Variants in TBC1D30 observed in about 807,000 individuals in gnomAD.
The protein encoded by TBC1D30 is TBC1 domain family, member 30.
Under a neutral mutation model 63.2 loss-of-function variants are expected in TBC1D30, and 31 were observed. That is an observed-to-expected ratio of 0.49 (90% CI 0.37 to 0.66). The LOEUF (loss-of-function observed/expected upper bound fraction) is 0.66. Among genes scored for constraint, TBC1D30 ranks in the 30% least tolerant of loss-of-function variants. The pLI, the probability that TBC1D30 is intolerant of heterozygous loss-of-function variation, is 0.00. For missense variants in TBC1D30, 810 were observed against 953.6 expected, an observed-to-expected ratio of 0.85 and a Z score of 1.98; for synonymous variants, 307 against 361.5, an observed-to-expected ratio of 0.85 and a Z score of 1.71.
intron 8 of TBC1D30, among the ~76,000 whole-genome samples, chr12:64,852,475 GCCTACTT>G (rs910952597): frequency 1.3e-5 from 2 of 152,098 alleles, no homozygotes; most frequent in African/African-American, 4.8e-5. Flanking sequence ...ACCTTCTGAA[GCCTACTT>G]CTGTCAATTC....
At chr12:64,825,130 T>A in intron 1 of TBC1D30, 97 bp downstream of exon 1, 1 of 1,424,834 alleles carries the variant, frequency 7.0e-7, no homozygotes, top group Non-Finnish European at 9.2e-7. Flanking sequence ...CGGGGAGCTC[T>A]GGGGAAAGTC....
chr12:64,864,877 T>C, intron 9 of TBC1D30, 97 bp downstream of exon 9: 1 of 838,412 alleles, frequency 1.2e-6, no homozygotes, highest in Non-Finnish European at 1.8e-6. Context: ...AGAGATATGT[T>C]AAAGTAAGTT....
At chr12:64,785,915 A>C in exon 2 of TBC1D30, 1 of 1,289,870 alleles carries the variant, frequency 7.8e-7, no homozygotes, top group South Asian at 1.2e-5. Context: ...TTCGAGAGCT[A>C]AAGTACAGAA....
intron 5 of TBC1D30, among the ~76,000 whole-genome samples, chr12:64,835,899 A>G (rs777601965): frequency 4.9e-4 from 74 of 152,228 alleles, no homozygotes; most frequent in Non-Finnish European, 8.7e-4. Context: ...AGCAATTTGA[A>G]GAACCTCTAT....
intron 2 of TBC1D30, among the ~76,000 whole-genome samples, chr12:64,798,130 A>C (rs1398123020): frequency 6.6e-6 from 1 of 152,220 alleles, no homozygotes; most frequent in East Asian, 1.9e-4. Context: ...TATATATGTA[A>C]TTGTTTATAA....
At chr12:64,774,388 A>G (rs930318711) in intron 1 of TBC1D30, among the ~76,000 whole-genome samples, 1 of 152,212 alleles carries the variant, frequency 6.6e-6, no homozygotes, top group African/African-American at 2.4e-5. Context: ...ATCCCTGAGA[A>G]CTTCCCCAAC....
chr12:64,804,286 CTCTG>C (rs1402501085), intron 2 of TBC1D30, among the ~76,000 whole-genome samples: 48 of 152,170 alleles, frequency 3.2e-4, no homozygotes, highest in Non-Finnish European at 3.1e-4. Context: ...TGATTTCGCT[CTCTG>C]TCTGTTATTG....
chr12:64,776,907 A>G (rs1282781649), upstream of TBC1D30, among the ~76,000 whole-genome samples: 1 of 152,204 alleles, frequency 6.6e-6, no homozygotes, highest in Non-Finnish European at 1.5e-5. Context: ...AAACTCATTC[A>G]CCAGGACCAA....
At chr12:64,809,344 A>G (rs1002515441) in intron 2 of TBC1D30, among the ~76,000 whole-genome samples, 2 of 151,704 alleles carry the variant, frequency 1.3e-5, no homozygotes, top group Non-Finnish European at 1.5e-5. Context: ...GGGAGAACAT[A>G]TGATATTTGG....
chr12:64,869,560 A>G (rs896656062), intron 10 of TBC1D30, among the ~76,000 whole-genome samples: 1 of 152,150 alleles, frequency 6.6e-6, no homozygotes, highest in Non-Finnish European at 1.5e-5. Flanking sequence ...CCATAGGATC[A>G]ATATGTATTT....
chr12:64,811,170 T>G (rs1273564274), intron 2 of TBC1D30, among the ~76,000 whole-genome samples: 1 of 152,246 alleles, frequency 6.6e-6, no homozygotes, highest in African/African-American at 2.4e-5. Context: ...AAGTAGTTAA[T>G]GAGATTTTTA....
chr12:64,838,548 A>G (rs988326757), intron 6 of TBC1D30, 135 bp from the exon 7 acceptor site: 2 of 889,608 alleles, frequency 2.2e-6, no homozygotes, highest in South Asian at 3.9e-5. Context: ...AAGAAAGAAC[A>G]AGAGTTTAGA....
intron 11 of TBC1D30, among the ~76,000 whole-genome samples, chr12:64,871,466 A>C (rs913683011): frequency 3.3e-5 from 5 of 152,190 alleles, no homozygotes; most frequent in Non-Finnish European, 7.3e-5. Flanking sequence ...TATCTTAATG[A>C]AAATGGTGCC....
At chr12:64,779,077 T>C (rs555110992), upstream of TBC1D30, 3 of 152,332 alleles carry the variant, frequency 2.0e-5, no homozygotes, top group South Asian at 6.2e-4. Flanking sequence ...TCAGCTCACT[T>C]TGAGTTTCTT....
chr12:64,815,255 T>C (rs1295045693), intron 2 of TBC1D30, among the ~76,000 whole-genome samples: 4 of 152,264 alleles, frequency 2.6e-5, no homozygotes, highest in Admixed American at 6.5e-5. Context: ...GTCTTAATTT[T>C]ACTCATGGGA....
In TBC1D30 at chr12:64,877,164, A is replaced by G. The variant is rs1456073714; in HGVS notation, c.*1376A>G. On this transcript the variant is annotated 3_prime_UTR_variant, in exon 12 of 12. Coordinates refer to ENST00000539867, the MANE Select transcript of TBC1D30 (RefSeq NM_015279.2). ...TCTGACTTCCTTATCCTGAACAGGG[A>G]GTTTATTTTAAAAATGCTTCATGCA... 4.2e-6 allele frequency: 1 copy of G among 238,210 alleles called. No individual in the cohort carries two copies. Among genetic ancestry groups the G allele is most frequent in the African/African-American group, 2.2e-5 (1 of 44,486 alleles). 14.8% of individuals were successfully genotyped at this position (238,210 alleles called of 1,614,324 possible). A position where few individuals can be genotyped will look rare whatever the true frequency, so the allele number is the denominator to read the frequency against.
upstream of TBC1D30, chr12:64,824,583 G>A (rs574036405): frequency 8.9e-5 from 28 of 315,252 alleles, no homozygotes; most frequent in African/African-American, 5.4e-4. Context: ...CGCCGCCTCC[G>A]TCTCCCACGC....
intron 2 of TBC1D30, among the ~76,000 whole-genome samples, chr12:64,793,251 G>C (rs1451537133): frequency 1.3e-5 from 2 of 152,098 alleles, no homozygotes; most frequent in African/African-American, 4.8e-5. Flanking sequence ...GCTGAGGCAT[G>C]ATAATCACAT....
In TBC1D30 at chr12:64,875,470, G is replaced by A; in HGVS notation, c.1968G>A (p.Leu656=). Residue 656 remains leucine (L), a synonymous_variant, in exon 12 of 12, where the codon TTG becomes TTA. Coordinates refer to ENST00000539867, the MANE Select transcript of TBC1D30 (RefSeq NM_015279.2). ...DVDVSAVQAK[L]GALELNQRDA... is the part of the protein sequence containing the mutation. ...ATGTGTCTGCAGTTCAGGCGAAGTTGGGAGCCCTGGAACTGAACCAGAGGG... is the reference window on the plus strand; with the variant it reads ...ATGTGTCTGCAGTTCAGGCGAAGTTAGGAGCCCTGGAACTGAACCAGAGGG... 1 of 1,536,188 alleles carries A rather than the reference G, an allele frequency of 6.5e-7. No homozygotes were observed. Among genetic ancestry groups the A allele is most frequent in the South Asian group, 1.2e-5 (1 of 84,058 alleles).
Sources: gnomAD v4.1 joint callset for allele counts (sites outside exome capture counted in the v4.1 genomes callset) on GRCh38, gnomAD v4.1.1 for gene constraint, MANE v1.5 for transcripts, NCBI Gene and HGNC (gene_info 2026-07-23, HGNC 2026-07-21) for gene names.